RAB40B: variants seen among roughly 807,000 people sequenced by gnomAD.
RAB40B encodes the protein RAB40B, member RAS oncogene family.
A neutral mutation model predicts 24.0 loss-of-function variants in RAB40B; 21 were observed. That is an observed-to-expected ratio of 0.88 (90% CI 0.62 to 1.26). RAB40B has a LOEUF of 1.26. RAB40B is among the 50% of genes most tolerant of loss of function. The pLI is 0.00. For synonymous variants in RAB40B, 167 were observed against 169.8 expected, an observed-to-expected ratio of 0.98 and a Z score of 0.13; for missense variants, 348 against 390.5, an observed-to-expected ratio of 0.89 and a Z score of 0.92.
chr17:82,658,363 C>G, intron 5 of RAB40B, 128 bp downstream of exon 5: 15 of 1,180,662 alleles, frequency 1.3e-5, no homozygotes, highest in Non-Finnish European at 1.8e-5. Flanking sequence ...TCTCAAATGC[C>G]TTGCTCTGAG....
chr17:82,693,564 C>G (rs1163020735), intron 1 of RAB40B, among the ~76,000 whole-genome samples: 1 of 152,220 alleles, frequency 6.6e-6, no homozygotes, highest in Non-Finnish European at 1.5e-5. Context: ...GCATAGGGAC[C>G]TTTCAACAGA....
rs149376935 is a variant in RAB40B at position 82,657,692 on chromosome 17, A to G, written c.*171T>C. On this transcript the variant is annotated 3_prime_UTR_variant, in exon 6 of 6. Coordinates refer to ENST00000571995, the MANE Select transcript of RAB40B (RefSeq NM_006822.3). The stretch of plus-strand genomic sequence containing the variant: ...AAGAGCTTCATGCACATCCACGTAG[A>G]AATTCGAAGTCCGACGGGGTAGTGT... 589 of 831,242 alleles carry G rather than the reference A, an allele frequency of 7.1e-4. 5 individuals carry two copies. The East Asian group carries it at 0.013, about 18-fold the overall frequency. 51.5% of individuals were successfully genotyped at this position (831,242 alleles called of 1,614,324 possible).
chr17:82,666,805 A>G (rs2046263465), intron 1 of RAB40B, among the ~76,000 whole-genome samples: 1 of 152,148 alleles, frequency 6.6e-6, no homozygotes, highest in African/African-American at 2.4e-5. Flanking sequence ...ACAAGACATG[A>G]CCAGCCTTTG....
At position 82,658,709 on chromosome 17, in the gene RAB40B, G is replaced by A. The variant is rs1303271447; in HGVS notation, c.347C>T (p.Ala116Val). ...CACCAGGATCTTGGGGACTCCGGGG[G>A]CATGCTAGCGGGCAGGAGAAAGGCG... is the stretch of plus-strand genomic sequence containing the variant. ...DRWIKEIDEHAPGVPKILVGN... is the reference protein window; with the variant it reads ...DRWIKEIDEHVPGVPKILVGN... The change falls in exon 5 of 6, where the codon GCC (alanine) becomes GTC (valine). Residue 116 changes from alanine to valine, a missense_variant. Physicochemically the swap from Ala to Val is moderately conservative, Grantham distance 64. Around this residue, in one of 3 missense-constraint regions of RAB40B, gnomAD observed 126 missense variants for 181.0 expected, o/e 0.70. Coordinates refer to ENST00000571995, the MANE Select transcript of RAB40B (RefSeq NM_006822.3). 6.2e-7 allele frequency: 1 copy of A among 1,608,498 alleles called. No individual in the cohort carries two copies. Among genetic ancestry groups the A allele is most frequent in the Non-Finnish European group, 8.5e-7 (1 of 1,177,140 alleles).
At chr17:82,698,299 A>C (rs1215800164) in intron 1 of RAB40B, among the ~76,000 whole-genome samples, 156 bp downstream of exon 1, 2 of 140,858 alleles carry the variant, frequency 1.4e-5, no homozygotes, top group East Asian at 2.2e-4. Context: ...CCGGACCGGG[A>C]CTCCTACCCT....
chr17:82,661,049 T>C lies in RAB40B; in HGVS notation c.204-2A>G, dbSNP rs1249783434. ...AATCTTCCCTGGCCTGAAGTATCCC[T>C]GGAAAAGATGTTGGAGACCATTAAG... On this transcript the variant is annotated splice_acceptor_variant, in intron 2 of 5. Coordinates refer to ENST00000571995, the MANE Select transcript of RAB40B (RefSeq NM_006822.3). LOFTEE classifies it high-confidence loss of function. 6.2e-7 allele frequency: 1 copy of C among 1,613,788 alleles called. No individual in the cohort carries two copies. Among genetic ancestry groups the C allele is most frequent in the Non-Finnish European group, 8.5e-7 (1 of 1,179,952 alleles).
intron 1 of RAB40B, among the ~76,000 whole-genome samples, chr17:82,694,294 C>T (rs2046587041): frequency 6.6e-6 from 1 of 151,456 alleles, no homozygotes; most frequent in African/African-American, 2.4e-5. Flanking sequence ...CTTTGGGAGG[C>T]TGAGCTAAGC....
chr17:82,685,452 C>T lies in RAB40B; in HGVS notation c.142+13003G>A, dbSNP rs1227365760. Among the ~76,000 whole-genome samples the T allele has an allele frequency of 4.6e-5, 7 of 152,270 alleles. 2 individuals carry two copies. The highest frequency in any genetic ancestry group is 3.9e-4 in the Admixed American group (6 of 15,302). On this transcript the variant is annotated intron_variant, in intron 1 of 5. Coordinates refer to ENST00000571995, the MANE Select transcript of RAB40B (RefSeq NM_006822.3). ...TCAGTGCTCCAACCCCAAGCATGGA[C>T]GACCGGCAGAATGAGCTGTGTAGCC...
intron 1 of RAB40B, among the ~76,000 whole-genome samples, chr17:82,695,788 A>G (rs2046604022): frequency 6.6e-6 from 1 of 152,104 alleles, no homozygotes; most frequent in South Asian, 2.1e-4. Context: ...TCTAAAACAA[A>G]TATTTGGTAA....
At chr17:82,659,698 G>A in intron 3 of RAB40B, 41 bp from the exon 4 acceptor site, 1 of 1,545,920 alleles carries the variant, frequency 6.5e-7, no homozygotes, top group Non-Finnish European at 8.9e-7. Context: ...GAACACAGAT[G>A]CAGGCACAGC....
intron 4 of RAB40B, 89 bp from the exon 5 acceptor site, chr17:82,658,802 C>T (rs201771680): frequency 8.3e-7 from 1 of 1,208,472 alleles, no homozygotes; most frequent in Non-Finnish European, 1.1e-6. Flanking sequence ...TCGAGGAACC[C>T]CCCACGAGTT....
chr17:82,667,178 G>A lies in RAB40B; in HGVS notation c.143-2622C>T, dbSNP rs542206975. ...GTTCTCAAGCAGCTTCTGCCCCCTC[G>A]AAGGGTCTAGAACCCTTGGACTTGG... On this transcript the variant is annotated intron_variant, in intron 1 of 5. Transcript: ENST00000571995. The surrounding 1 kb of genome is among the most constrained non-coding windows in gnomAD (Gnocchi z 4.3). Among the ~76,000 whole-genome samples, 3 of 152,336 alleles carry A rather than the reference G, an allele frequency of 2.0e-5. No homozygotes were observed. The highest frequency in any genetic ancestry group is 7.2e-5 in the African/African-American group (3 of 41,586).
chr17:82,663,841 C>A lies in RAB40B; in HGVS notation c.203+655G>T, dbSNP rs1434392153. 1.3e-5 allele frequency among the ~76,000 whole-genome samples: 2 copies of A among 152,188 alleles called. No homozygotes were observed. The highest frequency in any genetic ancestry group is 6.5e-5 in the Admixed American group (1 of 15,292). Reference sequence around the variant, plus strand: ...AGGCCACAGGTTCTGATCCCAAAAGCCGATTCCCAGCCACAGCGCTATGTC... The same window carrying A: ...AGGCCACAGGTTCTGATCCCAAAAGACGATTCCCAGCCACAGCGCTATGTC... On this transcript the variant is annotated intron_variant, in intron 2 of 5. Transcript: ENST00000571995. The surrounding 1 kb of genome is among the most constrained non-coding windows in gnomAD (Gnocchi z 6.2).
intron 1 of RAB40B, chr17:82,696,718 T>C (rs1266515577): frequency 3.3e-5 from 3 of 90,792 alleles, no homozygotes; most frequent in African/African-American, 1.4e-4. Flanking sequence ...AGGCGCTCAA[T>C]CTCCAGCCCT....
intron 3 of RAB40B, among the ~76,000 whole-genome samples, chr17:82,660,463 C>T (rs1420527875): frequency 2.0e-5 from 3 of 150,614 alleles, no homozygotes; most frequent in African/African-American, 7.4e-5. Context: ...CACGCATACA[C>T]AGTGCAAGTA....
Position 82,659,396 on chromosome 17 carries a change from T to C in RAB40B, c.342+184A>G, listed in dbSNP as rs2046132256. ...TCCTGAGCTTTCGTGATTGTAGCTATCACCAAAGCCCTATCCAGTGTTGTG... is the reference window on the plus strand; with the variant it reads ...TCCTGAGCTTTCGTGATTGTAGCTACCACCAAAGCCCTATCCAGTGTTGTG... On this transcript the variant is annotated intron_variant, in intron 4 of 5. Coordinates refer to ENST00000571995, the MANE Select transcript of RAB40B (RefSeq NM_006822.3). 1.9e-5 allele frequency: 11 copies of C among 590,506 alleles called. No homozygotes were observed. In the Admixed American group the frequency reaches 3.4e-4, roughly 18 times the overall value. 36.6% of individuals were successfully genotyped at this position (590,506 alleles called of 1,614,324 possible).
intron 1 of RAB40B, among the ~76,000 whole-genome samples, chr17:82,668,594 T>C (rs905745946): frequency 6.6e-6 from 1 of 152,216 alleles, no homozygotes; most frequent in Admixed American, 6.5e-5. Context: ...GCCCCAAGTG[T>C]GGACCCACCC....
At chr17:82,678,184 C>A (rs2046413429) in intron 1 of RAB40B, among the ~76,000 whole-genome samples, 1 of 152,098 alleles carries the variant, frequency 6.6e-6, no homozygotes, top group Non-Finnish European at 1.5e-5. Flanking sequence ...ACCGTTTCTC[C>A]TTCTCTGTGT....
At chr17:82,664,819 C>G in intron 1 of RAB40B, 1 of 424,484 alleles carries the variant, frequency 2.4e-6, no homozygotes, top group Non-Finnish European at 4.3e-6. Context: ...GGCTCCCCGA[C>G]AGGCACTGCA....
Sources: gnomAD v4.1 joint callset for allele counts (sites outside exome capture counted in the v4.1 genomes callset) on GRCh38, gnomAD v4.1.1 for gene constraint, gnomAD v4.1.1 regional missense constraint, Gnocchi (gnomAD v3.1) non-coding constraint, MANE v1.5 for transcripts, NCBI Gene and HGNC (gene_info 2026-07-23, HGNC 2026-07-21) for gene names.